The following RAB3C variants were observed in gnomAD, a reference collection of about 807,000 sequenced individuals.
RAB3C encodes ras-related protein Rab-3C.
In RAB3C, 17 loss-of-function variants were observed where a neutral mutation model predicts 26.4. That is an observed-to-expected ratio of 0.64 (90% CI 0.44 to 0.97). RAB3C has a LOEUF of 0.97. Ranked by LOEUF, RAB3C falls within the 50% of genes least tolerant of loss-of-function variation. RAB3C has a pLI of 0.00. For missense variants in RAB3C, 242 were observed against 281.9 expected (o/e 0.86, Z 1.01); for synonymous variants, 91 against 95.9 (o/e 0.95, Z 0.30).
chr5:58,758,484 G>C (rs1390313103), intron 3 of RAB3C, among the ~76,000 whole-genome samples: 1 of 152,102 alleles, frequency 6.6e-6, no homozygotes, highest in Admixed American at 6.5e-5. Flanking sequence ...GAGGACTAGA[G>C]TCTAAAAGAA....
chr5:58,668,954 C>T lies in RAB3C; in HGVS notation c.252+51084C>T, dbSNP rs954652962. 2.6e-5 allele frequency among the ~76,000 whole-genome samples: 4 copies of T among 152,250 alleles called. No individual in the cohort carries two copies. In the South Asian group the frequency reaches 8.3e-4, roughly 32 times the overall value. On this transcript the variant is annotated intron_variant, in intron 2 of 4. Coordinates refer to ENST00000282878, the MANE Select transcript of RAB3C (RefSeq NM_138453.4). ...CAGCTGATTCAGTTCCTGGAAAGGACTCTCTTCCTGGCTTACAGTTGGAGA... is the reference window on the plus strand; with the variant it reads ...CAGCTGATTCAGTTCCTGGAAAGGATTCTCTTCCTGGCTTACAGTTGGAGA...
At chr5:58,782,636 G>T (rs910596521) in intron 3 of RAB3C, among the ~76,000 whole-genome samples, 1 of 151,728 alleles carries the variant, frequency 6.6e-6, no homozygotes, top group African/African-American at 2.4e-5. Context: ...ATTTTTTTCT[G>T]CTCAGAAATA....
chr5:58,737,932 G>A (rs1450717401), intron 3 of RAB3C, among the ~76,000 whole-genome samples: 1 of 152,136 alleles, frequency 6.6e-6, no homozygotes, highest in African/African-American at 2.4e-5. Context: ...TACATAGTGA[G>A]CAATGTGACT....
At chr5:58,825,770 G>C (rs1177368476) in intron 4 of RAB3C, among the ~76,000 whole-genome samples, 1 of 152,104 alleles carries the variant, frequency 6.6e-6, no homozygotes, top group African/African-American at 2.4e-5. Flanking sequence ...ACAAAACATT[G>C]TATCTAAAGA....
intron 1 of RAB3C, among the ~76,000 whole-genome samples, chr5:58,612,187 T>C (rs1447445904): frequency 6.6e-6 from 1 of 152,140 alleles, no homozygotes; most frequent in African/African-American, 2.4e-5. Context: ...CTTTGTTCTT[T>C]TTGCTTAAGA....
intron 3 of RAB3C, among the ~76,000 whole-genome samples, chr5:58,757,226 A>G (rs370995150): frequency 1.4e-4 from 21 of 151,268 alleles, no homozygotes; most frequent in East Asian, 1.4e-3. Context: ...CTTTTTTCTT[A>G]TCTACCTTTC....
intron 2 of RAB3C, among the ~76,000 whole-genome samples, chr5:58,642,285 C>A (rs1747427691): frequency 6.6e-6 from 1 of 152,162 alleles, no homozygotes; most frequent in Non-Finnish European, 1.5e-5. Flanking sequence ...GGCACCCAGA[C>A]CTGAAATAAT....
intron 3 of RAB3C, among the ~76,000 whole-genome samples, chr5:58,813,602 A>ATATATT (rs1743139169): frequency 8.5e-5 from 1 of 11,696 alleles, no homozygotes; most frequent in Non-Finnish European, 2.1e-4. Flanking sequence ...TTATATATAT[A>ATATATT]TATATATATA....
intron 2 of RAB3C, among the ~76,000 whole-genome samples, chr5:58,651,557 A>G (rs1747649668): frequency 1.3e-5 from 2 of 152,228 alleles, no homozygotes; most frequent in Admixed American, 1.3e-4. Context: ...GTAATATATA[A>G]TTTATTATGT....
At chr5:58,618,143 T>C (rs926261176) in intron 2 of RAB3C, among the ~76,000 whole-genome samples, 4 of 152,098 alleles carry the variant, frequency 2.6e-5, no homozygotes, top group African/African-American at 4.8e-5. Context: ...TTGTTGGTGG[T>C]GGAAGGAACA....
intron 4 of RAB3C, among the ~76,000 whole-genome samples, chr5:58,825,961 C>T (rs567871244): frequency 1.1e-4 from 16 of 152,036 alleles, no homozygotes; most frequent in Admixed American, 2.0e-4. Context: ...TGCTCCCAAT[C>T]GAGTGGACAC....
At chr5:58,597,686 C>T (rs1746349515) in intron 1 of RAB3C, among the ~76,000 whole-genome samples, 2 of 124,248 alleles carry the variant, frequency 1.6e-5, no homozygotes, top group East Asian at 4.2e-4. Flanking sequence ...TAATATAGTA[C>T]ATTATATATA....
In RAB3C at chr5:58,694,998, C is replaced by A. The variant is rs553541267; in HGVS notation, c.253-31004C>A. ...GCTTTCGGTGTTTTAGTCATGAAGTCTTTGCCCATGTTTATGTCCTGAATG... is the reference window on the plus strand; with the variant it reads ...GCTTTCGGTGTTTTAGTCATGAAGTATTTGCCCATGTTTATGTCCTGAATG... On this transcript the variant is annotated intron_variant, in intron 2 of 4. Transcript: ENST00000282878. 2.6e-5 allele frequency among the ~76,000 whole-genome samples: 4 copies of A among 152,254 alleles called. No homozygotes were observed. The East Asian group carries it at 5.8e-4, about 22-fold the overall frequency.
chr5:58,756,174 T>G (rs1426012187), intron 3 of RAB3C, among the ~76,000 whole-genome samples: 1 of 150,910 alleles, frequency 6.6e-6, no homozygotes, highest in Non-Finnish European at 1.5e-5. Context: ...GTTCTCTCTC[T>G]CCATACATGT....
chr5:58,816,741 G>GA (rs1487626791), intron 3 of RAB3C, among the ~76,000 whole-genome samples: 1 of 152,082 alleles, frequency 6.6e-6, no homozygotes, highest in Non-Finnish European at 1.5e-5. Context: ...GAGTGTATGG[G>GA]AAAATCAAAG....
chr5:58,620,264 C>T (rs551965127), intron 2 of RAB3C, among the ~76,000 whole-genome samples: 2 of 152,228 alleles, frequency 1.3e-5, no homozygotes, highest in Admixed American at 6.5e-5. Context: ...GCAATTAAAA[C>T]ATAATCCAAT....
At chr5:58,691,195 G>A (rs192818951) in intron 2 of RAB3C, among the ~76,000 whole-genome samples, 2 of 152,082 alleles carry the variant, frequency 1.3e-5, no homozygotes, top group South Asian at 2.1e-4. Flanking sequence ...TTTCCCATAG[G>A]GCTACTAAAA....
intron 3 of RAB3C, chr5:58,823,696 A>G: frequency 4.9e-6 from 1 of 203,618 alleles, no homozygotes; most frequent in Non-Finnish European, 1.1e-5. Flanking sequence ...AGACCTCAGG[A>G]GCAGGCTCTG....
At chr5:58,687,951 T>C (rs1202753195) in intron 2 of RAB3C, among the ~76,000 whole-genome samples, 2 of 152,128 alleles carry the variant, frequency 1.3e-5, no homozygotes. Flanking sequence ...CATTTCCTTC[T>C]CTATCAACCT....
Sources: allele counts gnomAD v4.1 joint callset (sites outside exome capture counted in the v4.1 genomes callset), GRCh38; gene constraint gnomAD v4.1.1; transcripts MANE v1.5; gene names NCBI Gene and HGNC (gene_info 2026-07-23, HGNC 2026-07-21).